Variants in ENOSF1 observed in about 807,000 individuals in gnomAD.
ENOSF1 encodes enolase superfamily member 1.
Under a neutral mutation model 68.2 loss-of-function variants are expected in ENOSF1, and 73 were observed. The ratio of observed to expected loss-of-function variants is 1.07; its 90% CI spans 0.89 to 1.30. ENOSF1 has a LOEUF of 1.30. Among genes scored for constraint, ENOSF1 ranks in the 50% most tolerant of loss-of-function variants. The pLI is 0.00. For missense variants in ENOSF1, 589 were observed against 554.5 expected (o/e 1.06, Z -0.62); for synonymous variants, 223 against 210.4 (o/e 1.06, Z -0.52).
At chr18:685,500 G>C (rs1253495495) in intron 10 of ENOSF1, among the ~76,000 whole-genome samples, 2 of 152,150 alleles carry the variant, frequency 1.3e-5, no homozygotes, top group Admixed American at 1.3e-4. Context: ...TTACACGTAA[G>C]AACTGGTTTA....
At chr18:697,427 C>T (rs961700949) in intron 2 of ENOSF1, 72 bp from the exon 3 acceptor site, 107 of 1,120,978 alleles carry the variant, frequency 9.5e-5, no homozygotes, top group Admixed American at 8.1e-5. Context: ...GAAAACATCA[C>T]AAACAAACAA....
In ENOSF1 at chr18:671,752, A is replaced by C; in HGVS notation, c.*2553T>G. The stretch of plus-strand genomic sequence containing the variant: ...GGGCATTTTAACTCATTTTAACTTG[A>C]AGGAGAATTGAAGTGCAAATGTTTT... On this transcript the variant is annotated 3_prime_UTR_variant, in exon 16 of 16. Transcript: ENST00000647584. 2.6e-6 allele frequency: 1 copy of C among 378,522 alleles called. No individual in the cohort carries two copies. The highest frequency in any genetic ancestry group is 4.7e-6 in the Non-Finnish European group (1 of 213,568). The allele number at this position is 378,522 out of a possible 1,614,324, so 23.4% of individuals were successfully genotyped here. A position where few individuals can be genotyped will look rare whatever the true frequency, so the allele number is the denominator to read the frequency against.
At chr18:698,484 A>G (rs967234988) in intron 2 of ENOSF1, among the ~76,000 whole-genome samples, 3 of 152,264 alleles carry the variant, frequency 2.0e-5, no homozygotes, top group African/African-American at 7.2e-5. Context: ...TAAAATGTTA[A>G]AATATATGAA....
intron 9 of ENOSF1, 128 bp from the exon 10 acceptor site, chr18:686,136 T>C (rs2076594659): frequency 1.4e-6 from 1 of 692,860 alleles, no homozygotes; most frequent in African/African-American, 1.8e-5. Flanking sequence ...CCTCTTGCTC[T>C]TTCCTCATCT....
chr18:683,039 CAG>C, intron 11 of ENOSF1: 1 of 576,716 alleles, frequency 1.7e-6, no homozygotes, highest in South Asian at 3.1e-5. Context: ...CTAAAACAAA[CAG>C]AAATAAGGGC....
chr18:667,541 T>C (rs867982304), downstream of ENOSF1, among the ~76,000 whole-genome samples: 102 of 64,826 alleles, frequency 1.6e-3, 8 homozygotes, highest in Middle Eastern at 7.9e-3. Flanking sequence ...ATGGTGATGG[T>C]GATGGTGATG....
intron 4 of ENOSF1, 76 bp from the exon 5 acceptor site, chr18:693,984 C>A: frequency 6.8e-7 from 1 of 1,472,154 alleles, no homozygotes; most frequent in Non-Finnish European, 9.1e-7. Flanking sequence ...AACGCGTTGG[C>A]AGCTCTAATG....
At chr18:691,502 T>C in intron 5 of ENOSF1, 1 of 496,566 alleles carries the variant, frequency 2.0e-6, no homozygotes, top group Admixed American at 3.6e-5. Context: ...TGTGCCACTA[T>C]GCCCGGCTAA....
In ENOSF1 at chr18:683,110, A is replaced by C. The variant is rs546305545; in HGVS notation, c.876+136T>G. ...GGTCTGTAACCCCTGTATTTGTCAC[A>C]CATTACAATTATTTCAGCTACTTCA... On this transcript the variant is annotated intron_variant, in intron 11 of 15. Transcript: ENST00000647584. 5 of 1,034,464 alleles carry C rather than the reference A, an allele frequency of 4.8e-6. No individual in the cohort carries two copies. The East Asian group carries it at 1.3e-4, about 27-fold the overall frequency. 64.1% of individuals were successfully genotyped at this position (1,034,464 alleles called of 1,614,324 possible). A position where few individuals can be genotyped will look rare whatever the true frequency, so the allele number is the denominator to read the frequency against.
chr18:667,065 TGATGGTGATGGA>T (rs1197066717), downstream of ENOSF1, among the ~76,000 whole-genome samples: 1 of 39,928 alleles, frequency 2.5e-5, no homozygotes, highest in Non-Finnish European at 4.3e-5. Flanking sequence ...ATGGAGATGG[TGATGGTGATGGA>T]GATGGTGATG....
Position 677,783 on chromosome 18 carries a change from A to C in ENOSF1, c.1008T>G (p.Asn336Lys). The C allele has an allele frequency of 2.5e-6, 4 of 1,614,190 alleles. No individual in the cohort carries two copies. Among genetic ancestry groups the C allele is most frequent in the Non-Finnish European group, 3.4e-6 (4 of 1,180,034 alleles). Residue 336 changes from asparagine (N) to lysine (K), a missense_variant, in exon 13 of 16, where the codon AAT becomes AAG. Transcript: ENST00000647584. ...CCATCAGCAATACTGAGAGGTTCTC[A>C]TTGACACTGCCCAGTCTGCAACTGT... ...QIDSCRLGSVNENLSVLLMAK... is the reference protein window; with the variant it reads ...QIDSCRLGSVKENLSVLLMAK...
At chr18:693,178 G>A (rs1003598752) in intron 5 of ENOSF1, 33 of 1,288,968 alleles carry the variant, frequency 2.6e-5, no homozygotes, top group Admixed American at 2.5e-4. Context: ...GTTCACCCCT[G>A]CTATGAAAAG....
At chr18:700,361 C>T (rs2078203078) in intron 2 of ENOSF1, among the ~76,000 whole-genome samples, 1 of 152,098 alleles carries the variant, frequency 6.6e-6, no homozygotes, top group South Asian at 2.1e-4. Context: ...CAGTGAGGTA[C>T]GTTATTATCG....
At chr18:677,563 G>C in intron 13 of ENOSF1, 119 bp from the exon 14 acceptor site, 2 of 1,250,836 alleles carry the variant, frequency 1.6e-6, no homozygotes, top group Middle Eastern at 2.5e-4. Context: ...TTAATATTTA[G>C]GAAGGAAATT....
At chr18:666,945 T>A (rs74333811), downstream of ENOSF1, among the ~76,000 whole-genome samples, 1,109 of 27,910 alleles carry the variant, frequency 0.04, 122 homozygotes, top group East Asian at 0.12. Flanking sequence ...ATGGAGATGG[T>A]GATGGTGATG....
chr18:671,719 C>A lies in ENOSF1; in HGVS notation c.*2586G>T. ...AGCCACATTCAAGCCAGGGGATTGT[C>A]CAAAAGGGGGCATTTTAACTCATTT... On this transcript the variant is annotated 3_prime_UTR_variant, in exon 16 of 16. Coordinates refer to ENST00000647584, the MANE Select transcript of ENOSF1 (RefSeq NM_017512.7). The A allele has an allele frequency of 2.1e-6, 1 of 477,744 alleles. No homozygotes were observed. The highest frequency in any genetic ancestry group is 3.0e-5 in the South Asian group (1 of 33,708). 29.6% of individuals were successfully genotyped at this position (477,744 alleles called of 1,614,324 possible). A position where few individuals can be genotyped will look rare whatever the true frequency, so the allele number is the denominator to read the frequency against.
At chr18:680,758 G>A (rs368963922) in intron 11 of ENOSF1, among the ~76,000 whole-genome samples, 6 of 139,744 alleles carry the variant, frequency 4.3e-5, no homozygotes, top group Admixed American at 1.6e-4. Context: ...TTGGCTTACC[G>A]TAACCTCCAC....
intron 1 of ENOSF1, 148 bp downstream of exon 1, chr18:712,356 G>GGCGTCCGCCCTTACCATGGCGTCCGCCCT (rs1568162581): frequency 1.6e-6 from 1 of 627,854 alleles, no homozygotes; most frequent in African/African-American, 2.0e-5. Flanking sequence ...CAAGCCGCGC[G>GGCGTCCGCCCTTACCATGGCGTCCGCCCT]TACCATGGCG....
chr18:668,202 T>A (rs1451958904), downstream of ENOSF1, among the ~76,000 whole-genome samples: 1 of 151,892 alleles, frequency 6.6e-6, no homozygotes, highest in African/African-American at 2.4e-5. Flanking sequence ...TACAATCAAG[T>A]TACAGAACTA....
Sources: allele counts gnomAD v4.1 joint callset (sites outside exome capture counted in the v4.1 genomes callset), GRCh38; gene constraint gnomAD v4.1.1; transcripts MANE v1.5; gene names NCBI Gene and HGNC (gene_info 2026-07-23, HGNC 2026-07-21).